Variants in NXPE4 observed in about 807,000 individuals in gnomAD.
NXPE4 encodes NXPE family member 4.
Under a neutral mutation model 33.3 loss-of-function variants are expected in NXPE4, and 42 were observed. That is an observed-to-expected ratio of 1.26 (90% CI 0.98 to 1.63). The LOEUF (loss-of-function observed/expected upper bound fraction) is 1.63. NXPE4 is among the 40% of genes most tolerant of loss of function. The probability of loss-of-function intolerance (pLI) is 0.00; values close to 1 mark genes in which losing one functional copy is unlikely to be tolerated. For synonymous variants in NXPE4, 253 were observed against 234.9 expected (o/e 1.08, Z -0.71); for missense variants, 709 against 647.6 (o/e 1.09, Z -1.03).
chr11:114,579,677 T>G (rs947604532), intron 5 of NXPE4, among the ~76,000 whole-genome samples: 1 of 152,244 alleles, frequency 6.6e-6, no homozygotes, highest in African/African-American at 2.4e-5. Flanking sequence ...CTTTTCATCT[T>G]CAGTTGACAG....
At chr11:114,662,673 G>A in the NXPE4 span, among the ~76,000 whole-genome samples, 3 of 152,054 alleles carry the variant, frequency 2.0e-5, no homozygotes, top group Non-Finnish European at 4.4e-5. Context: ...GGGAAGAGTG[G>A]TGAGGACTTT....
chr11:114,591,687 A>G (rs953564975), intron 2 of NXPE4, among the ~76,000 whole-genome samples: 6 of 152,148 alleles, frequency 3.9e-5, no homozygotes, highest in Non-Finnish European at 5.9e-5. Context: ...CAGCCAATGG[A>G]AAGTCCTTAA....
chr11:114,592,976 C>G (rs1949495867), intron 2 of NXPE4, among the ~76,000 whole-genome samples: 1 of 151,946 alleles, frequency 6.6e-6, no homozygotes, highest in South Asian at 2.1e-4. Context: ...TATCCATATG[C>G]AAAAGAATGA....
the NXPE4 span, among the ~76,000 whole-genome samples, chr11:114,644,222 C>A: frequency 1.1e-3 from 172 of 152,278 alleles, no homozygotes; most frequent in Middle Eastern, 3.4e-3. Context: ...ATGACTTCCT[C>A]TCTTCCTGTT....
At chr11:114,592,351 A>G (rs1436621498) in intron 2 of NXPE4, among the ~76,000 whole-genome samples, 1 of 152,144 alleles carries the variant, frequency 6.6e-6, no homozygotes, top group Admixed American at 6.6e-5. Context: ...TCAACATAAA[A>G]ACATCAGTAA....
intron 2 of NXPE4, among the ~76,000 whole-genome samples, chr11:114,587,301 A>G (rs1949326425): frequency 2.6e-5 from 4 of 152,200 alleles, no homozygotes; most frequent in African/African-American, 9.7e-5. Context: ...CTCCAATTAA[A>G]ATGGTACTTA....
At chr11:114,594,029 G>C (rs539804122) in intron 2 of NXPE4, among the ~76,000 whole-genome samples, 1 of 152,084 alleles carries the variant, frequency 6.6e-6, no homozygotes, top group African/African-American at 2.4e-5. Flanking sequence ...GGCTGGGAAG[G>C]GTGGTGGGGG....
At chr11:114,606,956 A>T in the NXPE4 span, among the ~76,000 whole-genome samples, 1 of 151,892 alleles carries the variant, frequency 6.6e-6, no homozygotes, top group Non-Finnish European at 1.5e-5. Context: ...TCCTGTGGAT[A>T]ATAAGTGTTG....
intron 1 of NXPE4, among the ~76,000 whole-genome samples, chr11:114,594,986 T>C (rs1165101179): frequency 6.6e-6 from 1 of 152,118 alleles, no homozygotes; most frequent in Non-Finnish European, 1.5e-5. Flanking sequence ...GAACAGATAA[T>C]TCATGGAGCC....
At chr11:114,666,441 A>G in the NXPE4 span, among the ~76,000 whole-genome samples, 1 of 152,306 alleles carries the variant, frequency 6.6e-6, no homozygotes, top group South Asian at 2.1e-4. Context: ...GATTATTACT[A>G]TCAAAGTATA....
rs760822727 is a variant in NXPE4, at chr11:114,594,697, C to A, written c.63G>T (p.Trp21Cys). 6.2e-6 allele frequency: 10 copies of A among 1,603,818 alleles called. No homozygotes were observed. In the South Asian group the frequency reaches 8.9e-5, roughly 14 times the overall value. ...LLALLFILAS[W>C]IIFTVFQNST... is the part of the protein sequence containing the mutation. ...AGTTCTGGAAAACTGTAAAAATGAT[C>A]CAGGAGGCTAATATAAACAACAGTG... The change falls in exon 2 of 6, where the codon TGG (tryptophan) becomes TGT (cysteine). Residue 21 changes from tryptophan to cysteine, a missense_variant. Trp to Cys is a radical substitution (Grantham distance 215, BLOSUM62 -2). Transcript: ENST00000375478.
chr11:114,603,094 A>G, the NXPE4 span, among the ~76,000 whole-genome samples: 1 of 151,728 alleles, frequency 6.6e-6, no homozygotes, highest in Non-Finnish European at 1.5e-5. Flanking sequence ...GATAATAATT[A>G]TTGTCTTGTC....
intron 5 of NXPE4, among the ~76,000 whole-genome samples, chr11:114,575,423 A>C (rs988144453): frequency 3.9e-5 from 6 of 152,108 alleles, no homozygotes; most frequent in African/African-American, 1.4e-4. Context: ...TCATGATATG[A>C]TAGTATACCT....
the NXPE4 span, among the ~76,000 whole-genome samples, chr11:114,670,640 T>TA: frequency 6.6e-6 from 1 of 152,030 alleles, no homozygotes; most frequent in African/African-American, 2.4e-5. Context: ...TACAGTGAGA[T>TA]ATGACTGTAC....
At chr11:114,653,272 C>G in the NXPE4 span, among the ~76,000 whole-genome samples, 1 of 152,292 alleles carries the variant, frequency 6.6e-6, no homozygotes, top group Admixed American at 6.5e-5. Flanking sequence ...TAAAAATGTT[C>G]TATAAGGGCT....
At chr11:114,617,932 CATA>C in the NXPE4 span, among the ~76,000 whole-genome samples, 1 of 146,550 alleles carries the variant, frequency 6.8e-6, no homozygotes. Flanking sequence ...TAATCTGCTG[CATA>C]ATAAGTATTG....
chr11:114,637,809 T>G, the NXPE4 span, among the ~76,000 whole-genome samples: 2 of 152,074 alleles, frequency 1.3e-5, no homozygotes, highest in Non-Finnish European at 2.9e-5. Flanking sequence ...TCTTCTGGCT[T>G]GTAGAGTTTC....
chr11:114,627,256 A>G, the NXPE4 span, among the ~76,000 whole-genome samples: 38,428 of 150,354 alleles, frequency 0.26, 5,494 homozygotes, highest in Middle Eastern at 0.38. Flanking sequence ...AAAATGTTAA[A>G]GGCAGCCAGA....
intron 2 of NXPE4, chr11:114,583,257 C>T (rs543746282): frequency 7.8e-5 from 52 of 664,124 alleles, no homozygotes; most frequent in African/African-American, 4.2e-4. Flanking sequence ...AGCAAGATGG[C>T]GCAAAGGCAG....
Sources: allele counts gnomAD v4.1 joint callset (sites outside exome capture counted in the v4.1 genomes callset), GRCh38; gene constraint gnomAD v4.1.1; transcripts MANE v1.5; gene names NCBI Gene and HGNC (gene_info 2026-07-23, HGNC 2026-07-21).